Variants in NLGN1 observed in about 807,000 individuals in gnomAD.
The protein encoded by NLGN1 is neuroligin-1.
In NLGN1, 12 loss-of-function variants were observed where a neutral mutation model predicts 65.5. The ratio of observed to expected loss-of-function variants is 0.18; its 90% CI spans 0.12 to 0.30. NLGN1 has a LOEUF of 0.30. NLGN1 is among the 10% of genes least tolerant of loss of function. The pLI, the probability that NLGN1 is intolerant of heterozygous loss-of-function variation, is 1.00. For missense variants in NLGN1, 750 were observed against 1,007.1 expected, an observed-to-expected ratio of 0.74 and a Z score of 3.46; for synonymous variants, 350 against 359.5, an observed-to-expected ratio of 0.97 and a Z score of 0.30.
At chr3:173,861,528 G>A (rs1327122310) in intron 4 of NLGN1, among the ~76,000 whole-genome samples, 1 of 134,534 alleles carries the variant, frequency 7.4e-6, no homozygotes, top group Non-Finnish European at 1.6e-5. Context: ...GTGTGTGTGT[G>A]TGTGTGTGTG....
intron 1 of NLGN1, among the ~76,000 whole-genome samples, chr3:173,434,155 A>G (rs527693937): frequency 4.6e-5 from 7 of 152,288 alleles, no homozygotes; most frequent in Middle Eastern, 3.4e-3. Context: ...AATTACAACT[A>G]TGTGTTATAG....
At chr3:174,108,573 T>C (rs187119046) in intron 4 of NLGN1, among the ~76,000 whole-genome samples, 1 of 152,246 alleles carries the variant, frequency 6.6e-6, no homozygotes, top group Non-Finnish European at 1.5e-5. Context: ...GACCTCAGTA[T>C]AGAACTGAGC....
chr3:173,591,021 C>G (rs555521127), intron 2 of NLGN1, among the ~76,000 whole-genome samples: 1 of 152,008 alleles, frequency 6.6e-6, no homozygotes, highest in African/African-American at 2.4e-5. Context: ...ACAGGTAGAA[C>G]GTGAACAATA....
intron 4 of NLGN1, among the ~76,000 whole-genome samples, chr3:174,255,435 CA>C (rs71162383): frequency 0.23 from 15,943 of 69,498 alleles, 686 homozygotes; most frequent in Middle Eastern, 0.36. Context: ...GACTCTGTCT[CA>C]AAAAAAAAAA....
At chr3:174,037,759 T>A (rs1731453737) in intron 4 of NLGN1, among the ~76,000 whole-genome samples, 1 of 152,192 alleles carries the variant, frequency 6.6e-6, no homozygotes, top group Non-Finnish European at 1.5e-5. Context: ...TTACTTTTTC[T>A]GAAGTAAACA....
chr3:173,983,278 A>G lies in NLGN1; in HGVS notation c.646+175446A>G, dbSNP rs142571609. 3.0e-3 allele frequency among the ~76,000 whole-genome samples: 464 copies of G among 152,236 alleles called. 1 individual carries two copies. The highest frequency in any genetic ancestry group is 0.01 in the African/African-American group (416 of 41,546). On this transcript the variant is annotated intron_variant, in intron 4 of 6. Coordinates refer to ENST00000457714, the Ensembl canonical transcript of NLGN1. ...TGCCATAAGCTAGAAGTAACTTGTA[A>G]TTATTTGCAGATAGCATAACTCCAG...
intron 3 of NLGN1, among the ~76,000 whole-genome samples, chr3:173,779,524 C>T (rs1325045229): frequency 6.6e-6 from 1 of 151,956 alleles, no homozygotes; most frequent in East Asian, 1.9e-4. Context: ...TCCTGTAATA[C>T]ATCAAATCCT....
intron 2 of NLGN1, among the ~76,000 whole-genome samples, chr3:173,479,890 G>C (rs1018239061): frequency 1.3e-5 from 2 of 152,060 alleles, no homozygotes; most frequent in African/African-American, 4.8e-5. Flanking sequence ...TTTTTGTAGA[G>C]TTGTAAAGTA....
At position 174,107,015 on chromosome 3, in the gene NLGN1, CACAGAGAGAGAG is replaced by C. The variant is rs1382736832; in HGVS notation, c.647-168298_647-168287del. 6.9e-3 allele frequency among the ~76,000 whole-genome samples: 450 copies of C among 65,470 alleles called. 1 individual carries two copies. Among genetic ancestry groups the C allele is most frequent in the African/African-American group, 0.025 (409 of 16,140 alleles). 43.0% of individuals were successfully genotyped at this position (65,470 alleles called of 152,430 possible). A position where few individuals can be genotyped will look rare whatever the true frequency, so the allele number is the denominator to read the frequency against. On this transcript the variant is annotated intron_variant, in intron 4 of 6. Coordinates refer to ENST00000457714, the Ensembl canonical transcript of NLGN1. ...ACACACACACACACACACACACACA[CACAGAGAGAGAG>C]AGAGAGAGAGAGAGAGAGAGAGAGA...
chr3:173,663,878 T>A (rs1761318938), intron 3 of NLGN1, among the ~76,000 whole-genome samples: 1 of 151,738 alleles, frequency 6.6e-6, no homozygotes, highest in Non-Finnish European at 1.5e-5. Context: ...TTTTTTCCAT[T>A]ATGAGCAGTC....
At chr3:173,986,992 AGAAAT>A (rs1720091581) in intron 4 of NLGN1, among the ~76,000 whole-genome samples, 1 of 152,230 alleles carries the variant, frequency 6.6e-6, no homozygotes. Flanking sequence ...AGAGACTGGA[AGAAAT>A]TACAAATATT....
intron 4 of NLGN1, among the ~76,000 whole-genome samples, chr3:174,168,761 G>A (rs972592572): frequency 6.6e-5 from 10 of 152,134 alleles, no homozygotes. Context: ...GATGACCGGG[G>A]CACATCCACC....
At chr3:173,981,128 T>C (rs1334582991) in intron 4 of NLGN1, among the ~76,000 whole-genome samples, 2 of 152,148 alleles carry the variant, frequency 1.3e-5, no homozygotes, top group East Asian at 3.8e-4. Context: ...TCTCTAATTG[T>C]CCTCCTGGTG....
downstream of NLGN1, among the ~76,000 whole-genome samples, chr3:174,290,546 A>C (rs1468832391): frequency 6.6e-6 from 1 of 151,180 alleles, no homozygotes; most frequent in Admixed American, 6.6e-5. Flanking sequence ...AAAACAGCAT[A>C]AACAATAAAG....
downstream of NLGN1, among the ~76,000 whole-genome samples, chr3:174,289,099 C>T (rs1752446085): frequency 6.6e-6 from 1 of 151,212 alleles, no homozygotes; most frequent in Non-Finnish European, 1.5e-5. Flanking sequence ...CAAAAACTAC[C>T]ATGCAGAATC....
chr3:174,007,080 A>T (rs1398555385), intron 4 of NLGN1, among the ~76,000 whole-genome samples: 1 of 152,110 alleles, frequency 6.6e-6, no homozygotes, highest in Admixed American at 6.6e-5. Context: ...AAATAAAAAA[A>T]TAAAAAGACA....
Position 173,814,662 on chromosome 3 carries a change from G to A in NLGN1, c.646+6830G>A, listed in dbSNP as rs16830786. On this transcript the variant is annotated intron_variant, in intron 4 of 6. Transcript: ENST00000457714. ...TGTTAGGTAATTCATTCATGTATTC[G>A]TTCAGCCATTTATTCCCTTATTCTC... 5.9e-3 allele frequency among the ~76,000 whole-genome samples: 899 copies of A among 152,172 alleles called. 8 individuals are homozygous for A. The highest frequency in any genetic ancestry group is 0.021 in the African/African-American group (857 of 41,514).
chr3:174,126,305 A>C (rs896778014), intron 4 of NLGN1, among the ~76,000 whole-genome samples: 1 of 152,078 alleles, frequency 6.6e-6, no homozygotes, highest in African/African-American at 2.4e-5. Context: ...TTATGAGTTC[A>C]CTGAGGGCAA....
chr3:174,203,575 G>A (rs1462102042), intron 4 of NLGN1, among the ~76,000 whole-genome samples: 1 of 152,152 alleles, frequency 6.6e-6, no homozygotes, highest in African/African-American at 2.4e-5. Flanking sequence ...AAGGCAGACA[G>A]AGATCTGATA....
Sources: gnomAD v4.1 joint callset for allele counts (sites outside exome capture counted in the v4.1 genomes callset) on GRCh38, gnomAD v4.1.1 for gene constraint, MANE v1.5 for transcripts, NCBI Gene and HGNC (gene_info 2026-07-23, HGNC 2026-07-21) for gene names.